The following CNTNAP2 variants were observed in gnomAD, a reference collection of about 807,000 sequenced individuals.
CNTNAP2 encodes the protein contactin associated protein 2, also known as contactin-associated protein-like 2.
A neutral mutation model predicts 155.2 loss-of-function variants in CNTNAP2; 98 were observed. That is an observed-to-expected ratio of 0.63 (90% CI 0.54 to 0.75). The LOEUF is 0.75. Among genes scored for constraint, CNTNAP2 ranks in the 30% least tolerant of loss-of-function variants. CNTNAP2 has a pLI of 0.00. For missense variants in CNTNAP2, 1,727 were observed against 1,688.1 expected, an observed-to-expected ratio of 1.02 and a Z score of -0.40; for synonymous variants, 651 against 631.2, an observed-to-expected ratio of 1.03 and a Z score of -0.47.
At chr7:146,747,137 CTACTT>C (rs1308085663) in intron 1 of CNTNAP2, among the ~76,000 whole-genome samples, 3 of 152,082 alleles carry the variant, frequency 2.0e-5, no homozygotes, top group East Asian at 1.9e-4. Flanking sequence ...TATTAAATGA[CTACTT>C]TATGTGCATG....
intron 10 of CNTNAP2, among the ~76,000 whole-genome samples, chr7:147,455,117 G>T (rs1186180659): frequency 6.6e-6 from 1 of 152,068 alleles, no homozygotes; most frequent in Non-Finnish European, 1.5e-5. Context: ...TTAATACTAA[G>T]TACACCATAT....
chr7:147,033,963 G>A (rs1281709605), intron 3 of CNTNAP2, among the ~76,000 whole-genome samples: 1 of 152,130 alleles, frequency 6.6e-6, no homozygotes, highest in Admixed American at 6.5e-5. Flanking sequence ...AGGGAAAAAC[G>A]GCTGCTCCAT....
At chr7:147,138,529 A>T (rs746405667) in intron 8 of CNTNAP2, among the ~76,000 whole-genome samples, 37 of 151,934 alleles carry the variant, frequency 2.4e-4, no homozygotes, top group Non-Finnish European at 1.5e-4. Context: ...ATCAATTCCT[A>T]GTGTGGCTGT....
At chr7:146,371,608 G>A (rs1453099236) in intron 1 of CNTNAP2, among the ~76,000 whole-genome samples, 7 of 151,530 alleles carry the variant, frequency 4.6e-5, no homozygotes, top group South Asian at 4.2e-4. Context: ...CTTGTGATCC[G>A]CCCACCTCGG....
intron 1 of CNTNAP2, among the ~76,000 whole-genome samples, chr7:146,486,501 T>C (rs1432045089): frequency 6.6e-6 from 1 of 152,186 alleles, no homozygotes; most frequent in Non-Finnish European, 1.5e-5. Flanking sequence ...TTATAGGTTC[T>C]AGAGTCTGGA....
At chr7:147,266,774 A>T in intron 8 of CNTNAP2, among the ~76,000 whole-genome samples, 1 of 152,220 alleles carries the variant, frequency 6.6e-6, no homozygotes, top group South Asian at 2.1e-4. Context: ...TAAGTCATTT[A>T]TCATAAGTAA....
chr7:146,305,436 G>A (rs1284315292), intron 1 of CNTNAP2, among the ~76,000 whole-genome samples: 1 of 151,994 alleles, frequency 6.6e-6, no homozygotes, highest in Non-Finnish European at 1.5e-5. Flanking sequence ...TTTGATGATG[G>A]TGACATACAG....
intron 1 of CNTNAP2, among the ~76,000 whole-genome samples, chr7:146,154,589 C>T (rs539424253): frequency 6.6e-6 from 1 of 152,160 alleles, no homozygotes; most frequent in East Asian, 1.9e-4. Flanking sequence ...TTGGTCTGAC[C>T]CAGGCTTCCA....
chr7:146,365,880 G>C (rs867257564), intron 1 of CNTNAP2, among the ~76,000 whole-genome samples: 3 of 152,174 alleles, frequency 2.0e-5, no homozygotes, highest in African/African-American at 7.2e-5. Flanking sequence ...AGTGTGCAAA[G>C]TAACTGAAGT....
chr7:147,273,584 C>G (rs1314231047), intron 8 of CNTNAP2, among the ~76,000 whole-genome samples: 2 of 151,908 alleles, frequency 1.3e-5, no homozygotes, highest in African/African-American at 2.4e-5. Flanking sequence ...TTGTTGAACT[C>G]TCACTTATAA....
At position 147,960,068 on chromosome 7, in the gene CNTNAP2, C is replaced by T. The variant is rs140239119; in HGVS notation, c.2256-17794C>T. Among the ~76,000 whole-genome samples the T allele has an allele frequency of 9.5e-3, 1,446 of 152,242 alleles. 14 individuals carry two copies. Among genetic ancestry groups the T allele is most frequent in the Middle Eastern group, 0.048 (14 of 294 alleles). ...AACTGATGACTACTTCATGCCAATA[C>T]ATCCTTGGCAAGCCACCTAGTAGGC... On this transcript the variant is annotated intron_variant, in intron 14 of 23. Transcript: ENST00000361727.
intron 1 of CNTNAP2, among the ~76,000 whole-genome samples, chr7:146,754,431 A>C (rs979937363): frequency 6.6e-6 from 1 of 152,050 alleles, no homozygotes; most frequent in Non-Finnish European, 1.5e-5. Flanking sequence ...ATCCCTGGAA[A>C]TAGAACAAAA....
At chr7:146,685,711 G>A (rs6973152) in intron 1 of CNTNAP2, among the ~76,000 whole-genome samples, 3,325 of 150,920 alleles carry the variant, frequency 0.022, 94 homozygotes, top group African/African-American at 0.057. Context: ...GTTTAAAAAG[G>A]TTTCTAGGTG....
chr7:146,846,348 C>T (rs1356300726), intron 3 of CNTNAP2, among the ~76,000 whole-genome samples: 1 of 130,208 alleles, frequency 7.7e-6, no homozygotes, highest in Middle Eastern at 3.9e-3. Context: ...ATCAAACAAA[C>T]ACTTTCTAAA....
chr7:147,607,074 A>C lies in CNTNAP2; in HGVS notation c.1898-32032A>C, dbSNP rs181863453. Reference sequence around the variant, plus strand: ...TTCTCCAAAAAGCTATTTCTAGCTAATTATCCTCACTAAGGAAAGTGATCT... The same window carrying C: ...TTCTCCAAAAAGCTATTTCTAGCTACTTATCCTCACTAAGGAAAGTGATCT... On this transcript the variant is annotated intron_variant, in intron 12 of 23. Transcript: ENST00000361727. Among the ~76,000 whole-genome samples, 33 of 152,308 alleles carry C rather than the reference A, an allele frequency of 2.2e-4. No homozygotes were observed. The East Asian group carries it at 6.4e-3, about 29-fold the overall frequency.
At chr7:147,560,888 C>A (rs1800049998) in intron 11 of CNTNAP2, among the ~76,000 whole-genome samples, 1 of 150,264 alleles carries the variant, frequency 6.7e-6, no homozygotes, top group South Asian at 2.1e-4. Flanking sequence ...CCAAAGGAGG[C>A]ACAGAGAACT....
intron 8 of CNTNAP2, among the ~76,000 whole-genome samples, chr7:147,183,581 T>G (rs1055848773): frequency 5.5e-5 from 8 of 145,572 alleles, no homozygotes; most frequent in Admixed American, 2.7e-4. Flanking sequence ...GTGTGTGTGT[T>G]TTTCCTTACA....
intron 10 of CNTNAP2, among the ~76,000 whole-genome samples, chr7:147,402,310 C>T (rs1291817281): frequency 6.6e-6 from 1 of 152,164 alleles, no homozygotes; most frequent in Non-Finnish European, 1.5e-5. Flanking sequence ...ACCAAGGTTC[C>T]CTCTGAGCTC....
At chr7:148,001,699 T>A (rs959336163) in intron 15 of CNTNAP2, among the ~76,000 whole-genome samples, 1 of 152,240 alleles carries the variant, frequency 6.6e-6, no homozygotes, top group Non-Finnish European at 1.5e-5. Flanking sequence ...TTTCTTCTTT[T>A]GATAACCAAT....
Sources: gnomAD v4.1 joint callset for allele counts (sites outside exome capture counted in the v4.1 genomes callset) on GRCh38, gnomAD v4.1.1 for gene constraint, MANE v1.5 for transcripts, NCBI Gene and HGNC (gene_info 2026-07-23, HGNC 2026-07-21) for gene names.